Variants in MAD1L1 observed in about 807,000 individuals in gnomAD.
The protein encoded by MAD1L1 is mitotic spindle assembly checkpoint protein MAD1.
A neutral mutation model predicts 96.9 loss-of-function variants in MAD1L1; 95 were observed. The observed-to-expected ratio is 0.98, with a 90% CI of 0.83 to 1.16. The LOEUF is 1.16. Among genes scored for constraint, MAD1L1 ranks in the 50% most tolerant of loss-of-function variants. The pLI, the probability that MAD1L1 is intolerant of heterozygous loss-of-function variation, is 0.00. For synonymous variants in MAD1L1, 473 were observed against 396.6 expected (o/e 1.19, Z -2.29); for missense variants, 1,007 against 954.4 (o/e 1.06, Z -0.73).
chr7:2,208,989 A>G (rs1584552456), intron 10 of MAD1L1, among the ~76,000 whole-genome samples: 1 of 150,716 alleles, frequency 6.6e-6, no homozygotes, highest in Admixed American at 6.6e-5. Flanking sequence ...TCCACACCAC[A>G]CTCCCGGCAC....
chr7:2,198,183 C>T (rs866039218), intron 10 of MAD1L1, among the ~76,000 whole-genome samples: 1 of 152,106 alleles, frequency 6.6e-6, no homozygotes, highest in Middle Eastern at 3.4e-3. Flanking sequence ...CTTGAACTCC[C>T]AGGCTCAAGC....
intron 18 of MAD1L1, among the ~76,000 whole-genome samples, chr7:1,874,815 G>A (rs1407333237): frequency 6.6e-6 from 1 of 152,096 alleles, no homozygotes; most frequent in Non-Finnish European, 1.5e-5. Flanking sequence ...TGGTAGAGAG[G>A]AGGGGCAGGT....
At chr7:1,945,453 T>C (rs1424372015) in intron 16 of MAD1L1, among the ~76,000 whole-genome samples, 5 of 152,180 alleles carry the variant, frequency 3.3e-5, no homozygotes, top group South Asian at 2.1e-4. Flanking sequence ...TAAGAGCAAG[T>C]AGGTCCCACG....
intron 11 of MAD1L1, 63 bp from the exon 12 acceptor site, chr7:2,069,401 GC>G: frequency 7.1e-7 from 1 of 1,415,072 alleles, no homozygotes; most frequent in Non-Finnish European, 9.3e-7. Flanking sequence ...ACCAAGCCCC[GC>G]CCCACCCCAG....
At chr7:1,927,056 C>T (rs1221092193) in intron 17 of MAD1L1, among the ~76,000 whole-genome samples, 3 of 152,148 alleles carry the variant, frequency 2.0e-5, no homozygotes, top group Non-Finnish European at 2.9e-5. Flanking sequence ...CCAGCATAAA[C>T]ATCCGTCATA....
intron 18 of MAD1L1, among the ~76,000 whole-genome samples, chr7:1,896,805 T>C (rs1032463222): frequency 6.6e-6 from 1 of 152,230 alleles, no homozygotes; most frequent in East Asian, 1.9e-4. Context: ...GCCTCTTAAT[T>C]TGTAAATGTT....
At position 2,190,823 on chromosome 7, in the gene MAD1L1, G is replaced by A. The variant is rs1014280520; in HGVS notation, c.986+22389C>T. On this transcript the variant is annotated intron_variant, in intron 10 of 18. Coordinates refer to ENST00000265854, the MANE Select transcript of MAD1L1 (RefSeq NM_001013836.2). ...AATGCATTCGGGATGCGGGGCCAGC[G>A]GAATTCAATGAAAGAGCTCGGGATG... is the stretch of plus-strand genomic sequence containing the variant. Among the ~76,000 whole-genome samples, 11 of 152,082 alleles carry A rather than the reference G, an allele frequency of 7.2e-5. No homozygotes were observed. In the East Asian group the frequency reaches 7.7e-4, roughly 11 times the overall value.
chr7:1,826,647 G>A (rs1380721289), intron 18 of MAD1L1, among the ~76,000 whole-genome samples: 5 of 152,368 alleles, frequency 3.3e-5, no homozygotes, highest in African/African-American at 9.6e-5. Flanking sequence ...AGATGCTGCC[G>A]CGTGAGCACC....
chr7:2,115,534 C>T (rs112996667), intron 11 of MAD1L1, among the ~76,000 whole-genome samples: 3,324 of 148,032 alleles, frequency 0.022, 86 homozygotes, highest in South Asian at 0.072. Flanking sequence ...CCGCATGTTC[C>T]GGGGTCAGAG....
In MAD1L1 at chr7:2,223,968, G is replaced by A. The variant is rs539794488; in HGVS notation, c.292-1214C>T. ...GGAAGGACAGTCCTGTTAGAAGGTG[G>A]CTGGAGCTCAGCAGGGAGCCCCAGG... On this transcript the variant is annotated intron_variant, in intron 4 of 18. Coordinates refer to ENST00000265854, the MANE Select transcript of MAD1L1 (RefSeq NM_001013836.2). Among the ~76,000 whole-genome samples, 7 of 152,300 alleles carry A rather than the reference G, an allele frequency of 4.6e-5. No individual in the cohort carries two copies. The South Asian group carries it at 1.4e-3, about 32-fold the overall frequency.
At chr7:2,046,532 T>G (rs1219284808) in intron 12 of MAD1L1, among the ~76,000 whole-genome samples, 1 of 151,734 alleles carries the variant, frequency 6.6e-6, no homozygotes, top group African/African-American at 2.4e-5. Context: ...AAGGGTGAAG[T>G]TCAAGAACTG....
At chr7:1,905,536 TG>T (rs1787575332) in intron 17 of MAD1L1, among the ~76,000 whole-genome samples, 1 of 149,326 alleles carries the variant, frequency 6.7e-6, no homozygotes, top group Non-Finnish European at 1.5e-5. Flanking sequence ...CAGTGGCCTA[TG>T]GAAGACGCTC....
chr7:1,932,838 G>C (rs972618759), intron 17 of MAD1L1, among the ~76,000 whole-genome samples: 1 of 152,208 alleles, frequency 6.6e-6, no homozygotes. Context: ...CAGACAGTGG[G>C]CTGTACCTCT....
At chr7:1,935,103 C>A (rs918020068) in intron 17 of MAD1L1, among the ~76,000 whole-genome samples, 1 of 152,274 alleles carries the variant, frequency 6.6e-6, no homozygotes, top group African/African-American at 2.4e-5. Flanking sequence ...AGCCAAGGCA[C>A]AGGCCCGTGA....
chr7:2,219,518 G>A, intron 5 of MAD1L1, 62 bp from the exon 6 acceptor site: 2 of 1,578,164 alleles, frequency 1.3e-6, no homozygotes, highest in Non-Finnish European at 1.7e-6. Flanking sequence ...GAAGGAGCCT[G>A]CACATGGAGA....
chr7:1,995,851 G>A (rs937825063), intron 14 of MAD1L1, among the ~76,000 whole-genome samples: 10 of 152,172 alleles, frequency 6.6e-5, no homozygotes, highest in East Asian at 3.9e-4. Flanking sequence ...TGCCAAGCAC[G>A]AAGCACTCCA....
chr7:1,999,757 GCCCAGC>G (rs1315577047), intron 14 of MAD1L1, among the ~76,000 whole-genome samples: 1 of 152,168 alleles, frequency 6.6e-6, no homozygotes, highest in Non-Finnish European at 1.5e-5. Flanking sequence ...CCGGCTCCAG[GCCCAGC>G]CCCTGACCAG....
chr7:2,132,046 G>C (rs1465440056), intron 11 of MAD1L1, among the ~76,000 whole-genome samples: 3 of 152,240 alleles, frequency 2.0e-5, no homozygotes, highest in Non-Finnish European at 4.4e-5. Flanking sequence ...CAAGCAGTCA[G>C]TGAGGCTGAC....
At chr7:1,915,534 C>T (rs1331075402) in intron 17 of MAD1L1, among the ~76,000 whole-genome samples, 1 of 152,204 alleles carries the variant, frequency 6.6e-6, no homozygotes, top group South Asian at 2.1e-4. Context: ...TGTTCCACGG[C>T]GGGCTGGAGG....
Sources: gnomAD v4.1 joint callset for allele counts (sites outside exome capture counted in the v4.1 genomes callset) on GRCh38, gnomAD v4.1.1 for gene constraint, MANE v1.5 for transcripts, NCBI Gene and HGNC (gene_info 2026-07-23, HGNC 2026-07-21) for gene names.